MOB4: variants seen among roughly 807,000 people sequenced by gnomAD.
The protein encoded by MOB4 is MOB-like protein phocein.
MOB4 carries 4 observed loss-of-function variants against 32.2 expected under a neutral mutation model. That is an observed-to-expected ratio of 0.12 (90% CI 0.06 to 0.28). The LOEUF is 0.28. Among genes scored for constraint, MOB4 ranks in the 10% least tolerant of loss-of-function variants. MOB4 has a pLI of 1.00. For synonymous variants in MOB4, 88 were observed against 88.1 expected, an observed-to-expected ratio of 1.00 and a Z score of 0.01; for missense variants, 158 against 271.2, an observed-to-expected ratio of 0.58 and a Z score of 2.93.
chr2:197,545,356 A>G (rs917756313), intron 5 of MOB4, among the ~76,000 whole-genome samples: 2 of 152,356 alleles, frequency 1.3e-5, no homozygotes, highest in Non-Finnish European at 2.9e-5. Flanking sequence ...TACTGAATAC[A>G]ATATAAATGC....
intron 3 of MOB4, among the ~76,000 whole-genome samples, chr2:197,538,183 C>T (rs1173068796): frequency 6.6e-6 from 1 of 150,648 alleles, no homozygotes; most frequent in Non-Finnish European, 1.5e-5. Flanking sequence ...CCCTATTTAA[C>T]TTATTCTATG....
chr2:197,533,570 C>A (rs969678374), intron 2 of MOB4, among the ~76,000 whole-genome samples: 3 of 151,806 alleles, frequency 2.0e-5, no homozygotes, highest in South Asian at 4.2e-4. Context: ...ACAAAAAATA[C>A]AAAAATTAGC....
intron 1 of MOB4, among the ~76,000 whole-genome samples, chr2:197,522,476 G>T (rs773566985): frequency 6.6e-6 from 1 of 151,236 alleles, no homozygotes; most frequent in African/African-American, 2.4e-5. Context: ...GATTACAGGC[G>T]CACGCCACCA....
intron 1 of MOB4, among the ~76,000 whole-genome samples, chr2:197,521,744 C>T (rs1028661456): frequency 1.3e-5 from 2 of 152,186 alleles, no homozygotes. Context: ...AGAAATATGG[C>T]TCTGTTCCGC....
intron 1 of MOB4, among the ~76,000 whole-genome samples, chr2:197,521,632 C>T (rs1256126602): frequency 6.6e-6 from 1 of 152,152 alleles, no homozygotes; most frequent in Non-Finnish European, 1.5e-5. Flanking sequence ...CCAAGGGGGC[C>T]GTCTATAGAC....
At chr2:197,548,452 A>G in intron 6 of MOB4, 37 bp downstream of exon 6, 1 of 1,039,832 alleles carries the variant, frequency 9.6e-7, no homozygotes, top group Non-Finnish European at 1.3e-6. Flanking sequence ...TAAACATTTT[A>G]GAGTTAATTT....
chr2:197,550,271 C>T lies in MOB4; in HGVS notation c.435-4C>T, dbSNP rs1354214439. On this transcript the variant is annotated splice_region_variant and splice_polypyrimidine_tract_variant and intron_variant, in intron 6 of 7. Transcript: ENST00000323303. ...AGAATCTATGGTTTCTTTTCTACTTCTAGGGTTAGCATAAAGGAATCATCT... is the reference window on the plus strand; with the variant it reads ...AGAATCTATGGTTTCTTTTCTACTTTTAGGGTTAGCATAAAGGAATCATCT... 2 of 1,608,204 alleles carry T rather than the reference C, an allele frequency of 1.2e-6. No individual in the cohort carries two copies. Among genetic ancestry groups the T allele is most frequent in the African/African-American group, 2.7e-5 (2 of 74,558 alleles).
chr2:197,531,049 T>TTA (rs201401588), intron 2 of MOB4, among the ~76,000 whole-genome samples: 15 of 88,920 alleles, frequency 1.7e-4, no homozygotes, highest in South Asian at 1.2e-3. Flanking sequence ...TTATTTTTAT[T>TTA]TTTATTTTTT....
chr2:197,540,358 G>T lies in MOB4; in HGVS notation c.275G>T (p.Cys92Phe). 1 of 1,575,074 alleles carries T rather than the reference G, an allele frequency of 6.3e-7. No homozygotes were observed. Among genetic ancestry groups the T allele is most frequent in the South Asian group, 1.2e-5 (1 of 81,642 alleles). The change falls in exon 5 of 8, where the codon TGC becomes TTC. Residue 92 changes from cysteine (C) to phenylalanine (F), a missense_variant. Around this residue, in one of 6 missense-constraint regions of MOB4, gnomAD observed 21 missense variants for 19.8 expected, o/e 1.06. Transcript: ENST00000323303. Reference protein sequence around the residue: ...NGLAVKLQSECHPDTCTQMTA... With the variant: ...NGLAVKLQSEFHPDTCTQMTA... ...TATAATTATTTTTAACAGAGTGAAT[G>T]CCATCCAGATACTTGCACTCAAATG...
At chr2:197,523,099 C>G (rs1479844047) in intron 1 of MOB4, among the ~76,000 whole-genome samples, 5 of 151,746 alleles carry the variant, frequency 3.3e-5, no homozygotes, top group Non-Finnish European at 5.9e-5. Context: ...ATCTGATTTA[C>G]TTTTTGGTGT....
At position 197,531,053 on chromosome 2, in the gene MOB4, A is replaced by AT. The variant is rs1043158763; in HGVS notation, c.124-4465dup. ...CTATTTTATTTTTATTTTTATTTTT[A>AT]TTTTTTTTTTTTGAGGCAGAGTCTC... On this transcript the variant is annotated intron_variant, in intron 2 of 7. Coordinates refer to ENST00000323303, the MANE Select transcript of MOB4 (RefSeq NM_015387.5). Among the ~76,000 whole-genome samples the AT allele has an allele frequency of 4.9e-3, 679 of 139,724 alleles. 3 individuals carry two copies. Among genetic ancestry groups the AT allele is most frequent in the Non-Finnish European group, 6.7e-3 (433 of 64,964 alleles). The allele number at this position is 139,724 out of a possible 152,430, so 91.7% of individuals were successfully genotyped here.
Position 197,549,216 on chromosome 2 carries a change from G to A in MOB4, c.434+801G>A, listed in dbSNP as rs541226743. 1.3e-3 allele frequency among the ~76,000 whole-genome samples: 204 copies of A among 151,630 alleles called. 1 individual carries two copies. The highest frequency in any genetic ancestry group is 4.4e-3 in the African/African-American group (183 of 41,354). ...GCACTCCGGCCTGGGCAACAAGAGC[G>A]AAACTGTCTCAAAAAAAAAAGAGCA... On this transcript the variant is annotated intron_variant, in intron 6 of 7. Coordinates refer to ENST00000323303, the MANE Select transcript of MOB4 (RefSeq NM_015387.5).
At chr2:197,545,487 T>C (rs2086978190) in intron 5 of MOB4, among the ~76,000 whole-genome samples, 1 of 152,186 alleles carries the variant, frequency 6.6e-6, no homozygotes. Context: ...GCTGACTGTA[T>C]GTGTACAATG....
rs181762807 is a variant in MOB4, at chr2:197,544,610, G to A, written c.355-3726G>A. Among the ~76,000 whole-genome samples, 74 of 152,090 alleles carry A rather than the reference G, an allele frequency of 4.9e-4. 2 individuals carry two copies. The highest frequency in any genetic ancestry group is 4.0e-3 in the Admixed American group (61 of 15,272). On this transcript the variant is annotated intron_variant, in intron 5 of 7. Transcript: ENST00000323303. Reference sequence around the variant, plus strand: ...CTGCTAAAAATACAAAAAATTACCCGGGCGCTGTGGCGTGTGCCTGTAGTC... The same window carrying A: ...CTGCTAAAAATACAAAAAATTACCCAGGCGCTGTGGCGTGTGCCTGTAGTC...
intron 2 of MOB4, among the ~76,000 whole-genome samples, chr2:197,524,542 A>AC (rs947435899): frequency 9.3e-5 from 14 of 151,038 alleles, no homozygotes; most frequent in African/African-American, 3.4e-4. Context: ...AAAAAAAAAA[A>AC]AAAAACAAAA....
chr2:197,522,700 A>G (rs1333743474), intron 1 of MOB4, among the ~76,000 whole-genome samples: 2 of 152,088 alleles, frequency 1.3e-5, no homozygotes, highest in South Asian at 2.1e-4. Context: ...AATGAGAATA[A>G]TAATTTATAA....
In MOB4 at chr2:197,518,333, G is replaced by C. The variant is rs553687608; in HGVS notation, c.60+2187G>C. Among the ~76,000 whole-genome samples, 4 of 151,612 alleles carry C rather than the reference G, an allele frequency of 2.6e-5. No homozygotes were observed. The South Asian group carries it at 8.3e-4, about 32-fold the overall frequency. On this transcript the variant is annotated intron_variant, in intron 1 of 7. Transcript: ENST00000323303. ...CCCCCAAGCTGGAGTGCAATGGTGC[G>C]ATCTCGGCTCACTGCAACCTCCACC... is the stretch of plus-strand genomic sequence containing the variant.
intron 6 of MOB4, among the ~76,000 whole-genome samples, chr2:197,549,882 AAAG>A (rs2087067313): frequency 6.6e-6 from 1 of 151,740 alleles, no homozygotes; most frequent in African/African-American, 2.4e-5. Context: ...AAAAAAAAGA[AAAG>A]AAAAGGAAAG....
At chr2:197,538,745 A>G (rs917688784) in intron 3 of MOB4, among the ~76,000 whole-genome samples, 3 of 152,230 alleles carry the variant, frequency 2.0e-5, no homozygotes, top group African/African-American at 7.2e-5. Context: ...GCTTTTGGCT[A>G]TAAAAGGGTT....
Sources: allele counts gnomAD v4.1 joint callset (sites outside exome capture counted in the v4.1 genomes callset), GRCh38; gene constraint gnomAD v4.1.1; regional missense constraint gnomAD v4.1.1; transcripts MANE v1.5; gene names NCBI Gene and HGNC (gene_info 2026-07-23, HGNC 2026-07-21).